ASPM: variants seen among roughly 807,000 people sequenced by gnomAD.
ASPM encodes assembly factor for spindle microtubules, also known as abnormal spindle-like microcephaly-associated protein.
In ASPM, 256 loss-of-function variants were observed where a neutral mutation model predicts 366.4. That is an observed-to-expected ratio of 0.70 (90% CI 0.63 to 0.77). The LOEUF (loss-of-function observed/expected upper bound fraction) is 0.77, where lower values mean the gene tolerates loss of function less well. Ranked by LOEUF, ASPM falls within the 30% of genes least tolerant of loss-of-function variation. The pLI is 0.00. For missense variants in ASPM, 4,146 were observed against 4,090.4 expected, an observed-to-expected ratio of 1.01 and a Z score of -0.37; for synonymous variants, 1,414 against 1,342.9, an observed-to-expected ratio of 1.05 and a Z score of -1.16.
In ASPM at chr1:197,146,131, T is replaced by G. The variant is rs770381141; in HGVS notation, c.297+10A>C. ...ACACCGGCCTGGAGCACGCTCCTCCTGAGACCTACCTGCAACACGAAACAG... is the reference window on the plus strand; with the variant it reads ...ACACCGGCCTGGAGCACGCTCCTCCGGAGACCTACCTGCAACACGAAACAG... On this transcript the variant is annotated intron_variant, in intron 1 of 27. Transcript: ENST00000367409. 1.2e-6 allele frequency: 2 copies of G among 1,613,808 alleles called. No homozygotes were observed. Among genetic ancestry groups the G allele is most frequent in the African/African-American group, 2.7e-5 (2 of 74,872 alleles).
intron 16 of ASPM, among the ~76,000 whole-genome samples, chr1:197,119,099 T>A (rs1209432885): frequency 1.3e-5 from 2 of 152,186 alleles, no homozygotes; most frequent in African/African-American, 2.4e-5. Context: ...AATCAAACTG[T>A]TATTTTTACA....
chr1:197,102,332 G>C lies in ASPM; in HGVS notation c.6919C>G (p.Gln2307Glu), dbSNP rs142865061. 17 of 1,612,490 alleles carry C rather than the reference G, an allele frequency of 1.1e-5. No individual in the cohort carries two copies. Among genetic ancestry groups the C allele is most frequent in the Non-Finnish European group, 4.2e-6 (5 of 1,179,162 alleles). The change falls in exon 18 of 28, where the codon CAG (glutamine) becomes GAG (glutamate). Residue 2307 changes from glutamine to glutamate, a missense_variant. Coordinates refer to ENST00000367409, the MANE Select transcript of ASPM (RefSeq NM_018136.5). Reference sequence around the variant, plus strand: ...ACTGCATTTTGTACCTGAAGGAACTGTAAGTGATGCTTTGTACAAAGATGT... The same window carrying C: ...ACTGCATTTTGTACCTGAAGGAACTCTAAGTGATGCTTTGTACAAAGATGT... Reference protein sequence around the residue: ...RAHLCTKHHLQFLQVQNAVIK... With the variant: ...RAHLCTKHHLEFLQVQNAVIK...
chr1:197,102,737 CT>C lies in ASPM; in HGVS notation c.6513del (p.Val2172SerfsTer9). On this transcript the variant is annotated frameshift_variant, in exon 18 of 28. Transcript: ENST00000367409. LOFTEE classifies it high-confidence loss of function. ...ACTCCTCTAAAACTTGCCTGAAGGA[CT>C]TTAACAGCTTTCAAAATTGTCAGGT... ...EKYLTILKAV[K>X]VLQASFRGVR... is the part of the protein sequence containing the mutation. The C allele has an allele frequency of 6.2e-7, 1 of 1,612,626 alleles. No individual in the cohort carries two copies. The highest frequency in any genetic ancestry group is 8.5e-7 in the Non-Finnish European group (1 of 1,179,254).
chr1:197,124,272 T>G lies in ASPM; in HGVS notation c.3228A>C (p.Thr1076=), dbSNP rs760162358. ...LKEEIAFLKH[T]KSIKKTISLL... The stretch of plus-strand genomic sequence containing the variant: ...GAGATATTGTTTTCTTTATACTCTT[T>G]GTGTGTTTTAGAAAGGCAATTTCTT... Residue 1076 remains threonine (T), a synonymous_variant, in exon 13 of 28, where the codon ACA becomes ACC. Transcript: ENST00000367409. 1.2e-6 allele frequency: 2 copies of G among 1,606,826 alleles called. No individual in the cohort carries two copies. Among genetic ancestry groups the G allele is most frequent in the Admixed American group, 3.3e-5 (2 of 59,908 alleles).
At position 197,102,599 on chromosome 1, in the gene ASPM, T is replaced by G; in HGVS notation, c.6652A>C (p.Thr2218Pro). ...ATTGCCCAGTATCTTTGCTGTACTG[T>G]TTTTGTTATTTTCTTTAACTTATTA... Reference protein sequence around the residue: ...YFNKLKKITKTVQQRYWAMKE... With the variant: ...YFNKLKKITKPVQQRYWAMKE... The change falls in exon 18 of 28, where the codon ACA (threonine) becomes CCA (proline). Residue 2218 changes from threonine to proline, a missense_variant. Coordinates refer to ENST00000367409, the MANE Select transcript of ASPM (RefSeq NM_018136.5). 6.2e-7 allele frequency: 1 copy of G among 1,612,394 alleles called. No individual in the cohort carries two copies. Among genetic ancestry groups the G allele is most frequent in the South Asian group, 1.1e-5 (1 of 91,034 alleles).
chr1:197,124,769 AATG>A, intron 12 of ASPM, 98 bp downstream of exon 12: 1 of 956,658 alleles, frequency 1.0e-6, no homozygotes, highest in East Asian at 2.4e-5. Context: ...AACCTTATTA[AATG>A]ATGGTTGTTG....
At chr1:197,110,414 A>C in intron 17 of ASPM, among the ~76,000 whole-genome samples, 1 of 152,138 alleles carries the variant, frequency 6.6e-6, no homozygotes, top group Non-Finnish European at 1.5e-5. Flanking sequence ...AGGAGAACTA[A>C]CACAAAATAC....
chr1:197,139,175 G>A, intron 4 of ASPM: 1 of 956,618 alleles, frequency 1.0e-6, no homozygotes, highest in South Asian at 1.3e-5. Context: ...GCATATCTTG[G>A]AGCTTAACGA....
chr1:197,086,982 A>C lies in ASPM; in HGVS notation c.10162-10T>G. ...ACCTACTTCGTACATCCTACAAAAT[A>C]AAATGCACAGTTACTAAAAAGTAAT... On this transcript the variant is annotated splice_polypyrimidine_tract_variant and intron_variant, in intron 26 of 27. Coordinates refer to ENST00000367409, the MANE Select transcript of ASPM (RefSeq NM_018136.5). 6.2e-7 allele frequency: 1 copy of C among 1,602,880 alleles called. No homozygotes were observed. The highest frequency in any genetic ancestry group is 1.1e-5 in the South Asian group (1 of 90,600).
chr1:197,143,395 A>G lies in ASPM; in HGVS notation c.857T>C (p.Val286Ala), dbSNP rs1553227891. Residue 286 changes from valine (V) to alanine (A), a missense_variant, in exon 3 of 28, where the codon GTT becomes GCT. Physicochemically the swap from Val to Ala is moderately conservative, Grantham distance 64 (BLOSUM62 0). Transcript: ENST00000367409. ...ACTATTCTCTCCTCTTTGGCCATTA[A>G]CATTTACGGAATTAAAGGAAGTTTC... ...VTETSFNSVN[V>A]NGQRGENSKL... The G allele has an allele frequency of 5.6e-6, 9 of 1,613,872 alleles. No homozygotes were observed. The highest frequency in any genetic ancestry group is 1.3e-5 in the African/African-American group (1 of 74,936).
intron 3 of ASPM, among the ~76,000 whole-genome samples, chr1:197,140,584 G>T (rs1027868941): frequency 2.6e-5 from 4 of 152,176 alleles, no homozygotes; most frequent in South Asian, 2.1e-4. Flanking sequence ...ACATAAGCTA[G>T]TAAGTAGCAA....
In ASPM at chr1:197,101,770, T is replaced by A. The variant is rs1657195476; in HGVS notation, c.7481A>T (p.Tyr2494Phe). The change falls in exon 18 of 28, where the codon TAC becomes TTC. Residue 2494 changes from tyrosine to phenylalanine, a missense_variant. Around this residue, in one of 3 missense-constraint regions of ASPM, gnomAD observed 3,624 missense variants for 3,591.7 expected, o/e 1.01. Coordinates refer to ENST00000367409, the MANE Select transcript of ASPM (RefSeq NM_018136.5). Reference protein sequence around the residue: ...AVLIQATFRMYRTYITFQTWK... With the variant: ...AVLIQATFRMFRTYITFQTWK... ...AGTCTGAAATGTAATATATGTTCTGTACATCCTGAAAGTAGCCTGAATGAG... is the reference window on the plus strand; with the variant it reads ...AGTCTGAAATGTAATATATGTTCTGAACATCCTGAAAGTAGCCTGAATGAG... The A allele has an allele frequency of 1.2e-6, 2 of 1,612,568 alleles. No individual in the cohort carries two copies. The highest frequency in any genetic ancestry group is 3.3e-5 in the Admixed American group (2 of 59,772).
At position 197,143,325 on chromosome 1, in the gene ASPM, T is replaced by A; in HGVS notation, c.927A>T (p.Thr309=). The change falls in exon 3 of 28, where the codon ACA becomes ACT. Residue 309 remains threonine, a synonymous_variant. Transcript: ENST00000367409. Reference sequence around the variant, plus strand: ...GACTTAGAAAATGTATTTGGCTTTGTGTAATGTTCAAAGTTGAAGAACAGT... The same window carrying A: ...GACTTAGAAAATGTATTTGGCTTTGAGTAATGTTCAAAGTTGAAGAACAGT... The part of the protein sequence containing the change: ...TPNCSSTLNI[T]QSQIHFLSPD... The A allele has an allele frequency of 6.2e-7, 1 of 1,613,988 alleles. No homozygotes were observed. The highest frequency in any genetic ancestry group is 8.5e-7 in the Non-Finnish European group (1 of 1,179,830).
chr1:197,129,109 AG>A, intron 9 of ASPM, 77 bp downstream of exon 9: 1 of 1,515,080 alleles, frequency 6.6e-7, no homozygotes, highest in South Asian at 1.2e-5. Flanking sequence ...TTTTTTCTAA[AG>A]AGAAAACATA....
intron 3 of ASPM, among the ~76,000 whole-genome samples, chr1:197,141,989 G>T (rs541628085): frequency 7.2e-5 from 11 of 152,260 alleles, no homozygotes; most frequent in African/African-American, 2.4e-4. Flanking sequence ...AACAGTAGGT[G>T]TGAGTGTCGA....
chr1:197,122,248 GA>G lies in ASPM; in HGVS notation c.3651del (p.His1218ThrfsTer16). On this transcript the variant is annotated frameshift_variant, in exon 15 of 28. Coordinates refer to ENST00000367409, the MANE Select transcript of ASPM (RefSeq NM_018136.5). LOFTEE classifies it high-confidence loss of function. ...TCTCTAACTGCAGACCTAACCAAGTGAAAATTTTTCTTTTCATTTTCTAGGA... is the reference window on the plus strand; with the variant it reads ...TCTCTAACTGCAGACCTAACCAAGTGAAATTTTTCTTTTCATTTTCTAGGA... ...KELLENEKKN[F>X]HLVRSAVRDL... is the part of the protein sequence containing the mutation. 6.2e-7 allele frequency: 1 copy of G among 1,613,226 alleles called. No homozygotes were observed. The highest frequency in any genetic ancestry group is 8.5e-7 in the Non-Finnish European group (1 of 1,179,378).
intron 27 of ASPM, among the ~76,000 whole-genome samples, chr1:197,085,992 C>T (rs950186036): frequency 3.9e-5 from 6 of 152,050 alleles, no homozygotes; most frequent in Non-Finnish European, 8.8e-5. Context: ...ATATTAAATT[C>T]TACCAAGTCC....
At chr1:197,115,489 T>C (rs1657713482) in intron 17 of ASPM, among the ~76,000 whole-genome samples, 1 of 152,174 alleles carries the variant, frequency 6.6e-6, no homozygotes, top group Non-Finnish European at 1.5e-5. Context: ...ATGAATCCTT[T>C]CCAGAAGGTT....
Position 197,093,271 on chromosome 1 carries a change from A to C in ASPM, c.9085-10T>G, listed in dbSNP as rs751957110. On this transcript the variant is annotated splice_polypyrimidine_tract_variant and intron_variant, in intron 20 of 27. Coordinates refer to ENST00000367409, the MANE Select transcript of ASPM (RefSeq NM_018136.5). ...AAGCAGCTCGATGTCTCTATAAGGA[A>C]AAATTTACAAGTAACATTAATGGGT... The C allele has an allele frequency of 1.2e-6, 2 of 1,605,056 alleles. No homozygotes were observed.
Sources: gnomAD v4.1 joint callset for allele counts (sites outside exome capture counted in the v4.1 genomes callset) on GRCh38, gnomAD v4.1.1 for gene constraint, gnomAD v4.1.1 regional missense constraint, MANE v1.5 for transcripts, NCBI Gene and HGNC (gene_info 2026-07-23, HGNC 2026-07-21) for gene names.